GABRB2: variants seen among roughly 807,000 people sequenced by gnomAD.
GABRB2 encodes the protein gamma-aminobutyric acid type A receptor subunit beta2, also known as gamma-aminobutyric acid receptor subunit beta-2.
In GABRB2, 16 loss-of-function variants were observed where a neutral mutation model predicts 54.7. The observed-to-expected ratio is 0.29, with a 90% CI of 0.20 to 0.44. The LOEUF (loss-of-function observed/expected upper bound fraction) is 0.44. GABRB2 is among the 20% of genes least tolerant of loss of function. The pLI is 1.00. For missense variants in GABRB2, 355 were observed against 644.0 expected, an observed-to-expected ratio of 0.55 and a Z score of 4.86; for synonymous variants, 244 against 233.8, an observed-to-expected ratio of 1.04 and a Z score of -0.40.
chr5:161,483,214 T>C (rs578023454), intron 3 of GABRB2, among the ~76,000 whole-genome samples: 12 of 152,102 alleles, frequency 7.9e-5, no homozygotes, highest in Non-Finnish European at 1.5e-4. Context: ...TCGAACACCA[T>C]TCCCAACCTT....
chr5:161,324,938 C>T (rs772999294), intron 9 of GABRB2, among the ~76,000 whole-genome samples: 10 of 151,996 alleles, frequency 6.6e-5, no homozygotes, highest in Middle Eastern at 3.2e-3. Context: ...AGAGTATTAA[C>T]GCTTTCAAGC....
At chr5:161,533,462 G>T (rs1263094515) in intron 3 of GABRB2, among the ~76,000 whole-genome samples, 1 of 152,008 alleles carries the variant, frequency 6.6e-6, no homozygotes, top group African/African-American at 2.4e-5. Context: ...GATGGAAACA[G>T]AGTAAAGTAT....
intron 8 of GABRB2, among the ~76,000 whole-genome samples, chr5:161,327,883 A>C (rs74945627): frequency 6.6e-6 from 1 of 152,194 alleles, no homozygotes; most frequent in Non-Finnish European, 1.5e-5. Flanking sequence ...ATTACAGTTG[A>C]AAAGAAGGGA....
In GABRB2 at chr5:161,545,219, A is replaced by T. The variant is rs1159660092; in HGVS notation, c.237+8T>A. 1 of 1,598,426 alleles carries T rather than the reference A, an allele frequency of 6.3e-7. No homozygotes were observed. Among genetic ancestry groups the T allele is most frequent in the African/African-American group, 1.4e-5 (1 of 73,790 alleles). Reference sequence around the variant, plus strand: ...TGCAAAGAAGTAGTCATAAATGTCAATACTCACCATATTGACTTCAGAAAC... The same window carrying T: ...TGCAAAGAAGTAGTCATAAATGTCATTACTCACCATATTGACTTCAGAAAC... On this transcript the variant is annotated splice_region_variant and intron_variant, in intron 3 of 9. Transcript: ENST00000393959.
chr5:161,518,412 G>C (rs1166307284), intron 3 of GABRB2, among the ~76,000 whole-genome samples: 3 of 152,144 alleles, frequency 2.0e-5, no homozygotes, highest in African/African-American at 7.2e-5. Context: ...TAACTTAACT[G>C]AGAAACAGGT....
At chr5:161,345,188 A>G (rs1754284751) in intron 5 of GABRB2, among the ~76,000 whole-genome samples, 1 of 152,144 alleles carries the variant, frequency 6.6e-6, no homozygotes, top group African/African-American at 2.4e-5. Context: ...AACTTAAAAT[A>G]TAATTTAGAA....
intron 4 of GABRB2, among the ~76,000 whole-genome samples, chr5:161,451,529 G>A (rs1309679654): frequency 6.6e-6 from 1 of 152,084 alleles, no homozygotes; most frequent in Non-Finnish European, 1.5e-5. Context: ...TATAAATTGT[G>A]TCACAAATAA....
intron 5 of GABRB2, among the ~76,000 whole-genome samples, chr5:161,403,353 A>AG (rs1756258879): frequency 6.6e-6 from 1 of 152,140 alleles, no homozygotes; most frequent in African/African-American, 2.4e-5. Flanking sequence ...TCTCTTAAAG[A>AG]GGGAGACTGG....
chr5:161,514,302 C>G (rs1759867804), intron 3 of GABRB2, among the ~76,000 whole-genome samples: 2 of 152,138 alleles, frequency 1.3e-5, no homozygotes, highest in Admixed American at 1.3e-4. Flanking sequence ...TGTTCTAAAA[C>G]AGTTCCTCCA....
intron 7 of GABRB2, among the ~76,000 whole-genome samples, chr5:161,331,989 C>G (rs1295706594): frequency 6.6e-6 from 1 of 151,590 alleles, no homozygotes; most frequent in Non-Finnish European, 1.5e-5. Context: ...CACGGTGAAA[C>G]CCTGTCTCTA....
At chr5:161,312,816 A>G (rs1757909768) in intron 9 of GABRB2, among the ~76,000 whole-genome samples, 1 of 152,238 alleles carries the variant, frequency 6.6e-6, no homozygotes, top group South Asian at 2.1e-4. Context: ...GTTGATTCTG[A>G]TGTTACAGTC....
At chr5:161,526,593 T>A (rs981101906) in intron 3 of GABRB2, among the ~76,000 whole-genome samples, 10 of 151,254 alleles carry the variant, frequency 6.6e-5, no homozygotes. Flanking sequence ...CTATAAGACA[T>A]CCAAAGCACC....
intron 4 of GABRB2, among the ~76,000 whole-genome samples, chr5:161,428,255 G>T (rs1430206623): frequency 6.6e-6 from 1 of 151,186 alleles, no homozygotes; most frequent in Non-Finnish European, 1.5e-5. Flanking sequence ...CTACAGTGAA[G>T]CAAATTAACA....
intron 5 of GABRB2, among the ~76,000 whole-genome samples, chr5:161,401,906 G>A (rs1006081815): frequency 1.3e-5 from 2 of 152,074 alleles, no homozygotes; most frequent in African/African-American, 4.8e-5. Context: ...TGTTCTATTT[G>A]TCTCTCCTGT....
chr5:161,389,915 T>G (rs1755766907), intron 5 of GABRB2, among the ~76,000 whole-genome samples: 1 of 151,882 alleles, frequency 6.6e-6, no homozygotes, highest in Admixed American at 6.6e-5. Flanking sequence ...ACCTAAATTT[T>G]TCATGAGTTT....
chr5:161,519,001 T>C (rs1004570397), intron 3 of GABRB2, among the ~76,000 whole-genome samples: 1 of 152,172 alleles, frequency 6.6e-6, no homozygotes, highest in Non-Finnish European at 1.5e-5. Context: ...TTGAGCTCTA[T>C]AAGGTTAACA....
intron 9 of GABRB2, among the ~76,000 whole-genome samples, chr5:161,311,276 G>A (rs532785549): frequency 1.3e-5 from 2 of 152,222 alleles, no homozygotes; most frequent in Non-Finnish European, 2.9e-5. Flanking sequence ...TAGCTAGGCT[G>A]AGTAACCCTG....
chr5:161,396,803 G>A (rs543789968), intron 5 of GABRB2, among the ~76,000 whole-genome samples: 5 of 152,064 alleles, frequency 3.3e-5, no homozygotes, highest in Non-Finnish European at 7.4e-5. Context: ...ATAAAAAATA[G>A]CTTAACACAT....
chr5:161,428,848 C>T (rs1333998188), intron 4 of GABRB2, among the ~76,000 whole-genome samples: 1 of 151,942 alleles, frequency 6.6e-6, no homozygotes, highest in Admixed American at 6.6e-5. Context: ...CTACTTGAGA[C>T]TCAATAATAA....
Sources: gnomAD v4.1 joint callset for allele counts (sites outside exome capture counted in the v4.1 genomes callset) on GRCh38, gnomAD v4.1.1 for gene constraint, MANE v1.5 for transcripts, NCBI Gene and HGNC (gene_info 2026-07-23, HGNC 2026-07-21) for gene names.